TTLL4: variants seen among roughly 807,000 people sequenced by gnomAD.
The protein encoded by TTLL4 is tubulin tyrosine ligase like 4.
A neutral mutation model predicts 122.7 loss-of-function variants in TTLL4; 85 were observed. That is an observed-to-expected ratio of 0.69 (90% CI 0.58 to 0.83). TTLL4 has a LOEUF of 0.83. TTLL4 is among the 40% of genes least tolerant of loss of function. The pLI, the probability that TTLL4 is intolerant of heterozygous loss-of-function variation, is 0.00. For synonymous variants in TTLL4, 553 were observed against 563.0 expected (o/e 0.98, Z 0.25); for missense variants, 1,363 against 1,488.6 (o/e 0.92, Z 1.39).
chr2:218,755,453 A>C (rs1943133185), downstream of TTLL4: 1 of 152,338 alleles, frequency 6.6e-6, no homozygotes, highest in South Asian at 2.1e-4. Flanking sequence ...GAGATCTCAA[A>C]GGACCCCAGC....
At chr2:218,757,966 A>AGC (rs886396382), downstream of TTLL4, among the ~76,000 whole-genome samples, 2 of 152,094 alleles carry the variant, frequency 1.3e-5, no homozygotes, top group African/African-American at 4.8e-5. Flanking sequence ...TGGCTAAGAG[A>AGC]GCTCCATTTC....
At chr2:218,749,231 A>G (rs1942948455) in intron 13 of TTLL4, 22 bp from the exon 14 acceptor site, 1 of 1,613,564 alleles carries the variant, frequency 6.2e-7, no homozygotes, top group African/African-American at 1.3e-5. Context: ...TGAACTGAGT[A>G]CTTCCTCATC....
chr2:218,755,908 G>A (rs549514277), downstream of TTLL4, among the ~76,000 whole-genome samples: 1 of 152,250 alleles, frequency 6.6e-6, no homozygotes, highest in South Asian at 2.1e-4. Flanking sequence ...GTGTTTGGCC[G>A]GTCCTAAGGC....
chr2:218,752,969 T>G lies in TTLL4; in HGVS notation c.3183T>G (p.Leu1061=). The change falls in exon 17 of 20, where the codon CTT becomes CTG. Residue 1061 remains leucine (L), a synonymous_variant. Transcript: ENST00000392102. ...AACAGAAATACCATGGCAACAAGCT[T>G]AAAGGTGATGTGCCCTCCCTGCCCT... ...QWEQKYHGNK[L]KGVDLLRSWC... 1 of 1,614,124 alleles carries G rather than the reference T, an allele frequency of 6.2e-7. No homozygotes were observed. The highest frequency in any genetic ancestry group is 1.3e-5 in the African/African-American group (1 of 75,008).
At chr2:218,729,855 A>G (rs1222014539) in intron 2 of TTLL4, among the ~76,000 whole-genome samples, 1 of 151,586 alleles carries the variant, frequency 6.6e-6, no homozygotes, top group Non-Finnish European at 1.5e-5. Context: ...TCCCAGGCTC[A>G]AGTGATCCTC....
chr2:218,723,255 A>G (rs939395522), intron 1 of TTLL4, among the ~76,000 whole-genome samples: 12 of 152,164 alleles, frequency 7.9e-5, no homozygotes, highest in African/African-American at 2.7e-4. Context: ...TAAAATCCTT[A>G]TCTCAGCCTC....
At position 218,754,959 on chromosome 2, in the gene TTLL4, C is replaced by G. The variant is rs754124028; in HGVS notation, c.*570C>G. The G allele has an allele frequency of 6.5e-6, 1 of 154,778 alleles. No individual in the cohort carries two copies. The highest frequency in any genetic ancestry group is 1.4e-5 in the Non-Finnish European group (1 of 69,834). The allele number at this position is 154,778 out of a possible 1,614,324, so 9.6% of individuals were successfully genotyped here. On this transcript the variant is annotated 3_prime_UTR_variant, in exon 20 of 20. Coordinates refer to ENST00000392102, the MANE Select transcript of TTLL4 (RefSeq NM_014640.5). The stretch of plus-strand genomic sequence containing the variant: ...TGTCATCCTAGTCTTGGGTCTTCAC[C>G]GCCTCCTTCCAAATACCCACCCTGC...
intron 6 of TTLL4, chr2:218,745,450 G>T: frequency 1.5e-6 from 1 of 656,132 alleles, no homozygotes. Flanking sequence ...ATGTCATGCT[G>T]AGTTCATGCT....
chr2:218,724,635 C>T (rs1039229833), intron 1 of TTLL4, among the ~76,000 whole-genome samples: 2 of 152,076 alleles, frequency 1.3e-5, no homozygotes, highest in Non-Finnish European at 2.9e-5. Context: ...CATAATATTC[C>T]ATTGTGTATA....
chr2:218,739,014 T>A lies in TTLL4; in HGVS notation c.1338T>A (p.Phe446Leu). 1 of 1,614,162 alleles carries A rather than the reference T, an allele frequency of 6.2e-7. No individual in the cohort carries two copies. The highest frequency in any genetic ancestry group is 1.1e-5 in the South Asian group (1 of 91,082). The change falls in exon 3 of 20, where the codon TTT becomes TTA. Residue 446 changes from phenylalanine (F) to leucine (L), a missense_variant. This residue lies in a region of TTLL4 where 760 missense variants were observed against 808.4 expected (regional missense o/e 0.94). Coordinates refer to ENST00000392102, the MANE Select transcript of TTLL4 (RefSeq NM_014640.5). ...AATCTGTAATTGACTCCTCAGCATT[T>A]GGAGAAGGCAAAGCTCCAGGTCCCC... ...ACESVIDSSA[F>L]GEGKAPGPPF...
At chr2:218,749,448 G>T in intron 14 of TTLL4, 61 bp downstream of exon 14, 2 of 1,573,542 alleles carry the variant, frequency 1.3e-6, no homozygotes, top group African/African-American at 1.4e-5. Context: ...CGCTCCCATT[G>T]CCACTCCAGT....
chr2:218,726,964 C>T (rs1238613749), intron 1 of TTLL4, among the ~76,000 whole-genome samples: 1 of 152,072 alleles, frequency 6.6e-6, no homozygotes, highest in Non-Finnish European at 1.5e-5. Context: ...TGTGCACCAC[C>T]ATGCTGGCTA....
intron 19 of TTLL4, among the ~76,000 whole-genome samples, 174 bp from the exon 20 acceptor site, chr2:218,753,960 G>C (rs1943093936): frequency 6.6e-6 from 1 of 152,194 alleles, no homozygotes; most frequent in South Asian, 2.1e-4. Flanking sequence ...TGCACTGCAG[G>C]TCTCAAGCCT....
At chr2:218,755,682 C>T (rs1043592483), downstream of TTLL4, among the ~76,000 whole-genome samples, 1 of 152,172 alleles carries the variant, frequency 6.6e-6, no homozygotes, top group African/African-American at 2.4e-5. Flanking sequence ...CAATTGGCCC[C>T]GTGTCCCTGC....
chr2:218,714,749 A>G (rs1231431220), intron 1 of TTLL4, among the ~76,000 whole-genome samples: 5 of 151,740 alleles, frequency 3.3e-5, no homozygotes, highest in African/African-American at 9.7e-5. Flanking sequence ...GGATATATAT[A>G]TATATATTTC....
chr2:218,746,113 C>G, intron 7 of TTLL4, 42 bp from the exon 8 acceptor site: 1 of 1,611,372 alleles, frequency 6.2e-7, no homozygotes, highest in South Asian at 1.1e-5. Context: ...TGTCCCTGGA[C>G]TGAGCTGTTA....
At chr2:218,740,190 T>G in intron 4 of TTLL4, 23 bp downstream of exon 4, 1 of 1,611,026 alleles carries the variant, frequency 6.2e-7, no homozygotes, top group African/African-American at 1.3e-5. Context: ...CCCTTTCACT[T>G]CCAACTAGGA....
At chr2:218,724,236 A>T (rs1299197024) in intron 1 of TTLL4, among the ~76,000 whole-genome samples, 2 of 152,030 alleles carry the variant, frequency 1.3e-5, no homozygotes, top group African/African-American at 4.8e-5. Context: ...TTGCAAAATT[A>T]AAAAAAAATT....
chr2:218,737,534 T>C, intron 2 of TTLL4, 45 bp from the exon 3 acceptor site: 1 of 1,023,772 alleles, frequency 9.8e-7, no homozygotes, highest in Non-Finnish European at 1.4e-6. Flanking sequence ...ATGGTGTCCG[T>C]TCTCCTGGCA....
Sources: allele counts gnomAD v4.1 joint callset (sites outside exome capture counted in the v4.1 genomes callset), GRCh38; gene constraint gnomAD v4.1.1; regional missense constraint gnomAD v4.1.1; transcripts MANE v1.5; gene names NCBI Gene and HGNC (gene_info 2026-07-23, HGNC 2026-07-21).